The following ATG4A variants were observed in gnomAD, a reference collection of about 807,000 sequenced individuals.
ATG4A encodes cysteine protease ATG4A.
In ATG4A, 22 loss-of-function variants were observed where a neutral mutation model predicts 38.4. The ratio of observed to expected loss-of-function variants is 0.57; its 90% CI spans 0.41 to 0.82. ATG4A has a LOEUF of 0.82. Among genes scored for constraint, ATG4A ranks in the 40% least tolerant of loss-of-function variants. The pLI, the probability that ATG4A is intolerant of heterozygous loss-of-function variation, is 0.00. For missense variants in ATG4A, 220 were observed against 290.0 expected, an observed-to-expected ratio of 0.76 and a Z score of 1.75; for synonymous variants, 86 against 100.7, an observed-to-expected ratio of 0.85 and a Z score of 0.88.
chrX:108,131,409 T>G, intron 4 of ATG4A, 51 bp downstream of exon 4: 5 of 1,102,231 alleles, frequency 4.5e-6, no homozygotes, highest in Non-Finnish European at 6.3e-6. Flanking sequence ...GCAGTATCAC[T>G]TGCTGCTGTT....
At chrX:108,128,913 C>T in intron 3 of ATG4A, 61 bp downstream of exon 3, 1 of 786,635 alleles carries the variant, frequency 1.3e-6, no homozygotes, top group African/African-American at 2.1e-5. Flanking sequence ...CTGAGGTTAT[C>T]AGTGACTTCA....
rs192837654 is a variant in ATG4A, at chrX:108,109,851, C to G, written c.11-16226C>G. 7.2e-5 allele frequency among the ~76,000 whole-genome samples: 8 copies of G among 111,571 alleles called. No individual in the cohort carries two copies. In the East Asian group the frequency reaches 2.0e-3, roughly 27 times the overall value. ...CTATGTGTCTACCTTTATGCCAGTA[C>G]CATACTTTTTTGATTACTGTAACTT... is the stretch of plus-strand genomic sequence containing the variant. On this transcript the variant is annotated intron_variant, in intron 1 of 12. Transcript: ENST00000372232.
intron 9 of ATG4A, among the ~76,000 whole-genome samples, chrX:108,145,359 G>A (rs749790391): frequency 3.6e-5 from 4 of 112,523 alleles, no homozygotes; most frequent in South Asian, 3.7e-4. Flanking sequence ...TGGCCTTGCC[G>A]GCTGAAGGCA....
chrX:108,141,067 TATAC>T (rs1215175963), intron 9 of ATG4A, among the ~76,000 whole-genome samples: 3,830 of 34,568 alleles, frequency 0.11, 557 homozygotes, highest in Non-Finnish European at 0.15. Flanking sequence ...CGTGTATATA[TATAC>T]ATATATATAT....
At chrX:108,133,958 T>C (rs2033030825) in intron 4 of ATG4A, 99 bp from the exon 5 acceptor site, 1 of 615,796 alleles carries the variant, frequency 1.6e-6, no homozygotes, top group African/African-American at 2.3e-5. Flanking sequence ...CTAGATGTGG[T>C]GCCTTTGTTT....
rs1463220904 is a variant in ATG4A, at chrX:108,137,850, C to T, written c.594C>T (p.Asp198=). The stretch of plus-strand genomic sequence containing the variant: ...CCTTGAGTGCTGACACAGCTGGTGA[C>T]AGGCCTCCCGATTCTTTAACTGCTT... ...VLPLSADTAG[D]RPPDSLTASN... Residue 198 remains aspartate (D), a synonymous_variant, in exon 8 of 13, where the codon GAC becomes GAT. Coordinates refer to ENST00000372232, the MANE Select transcript of ATG4A (RefSeq NM_052936.5). The T allele has an allele frequency of 2.4e-5, 29 of 1,188,472 alleles. No individual in the cohort carries two copies. The highest frequency in any genetic ancestry group is 3.2e-5 in the Non-Finnish European group (28 of 886,273).
chrX:108,124,781 T>G (rs114253427), intron 1 of ATG4A, among the ~76,000 whole-genome samples: 1,875 of 112,111 alleles, frequency 0.017, 39 homozygotes, highest in African/African-American at 0.057. Context: ...AACAGACTCA[T>G]TTATATTTAG....
At chrX:108,123,232 A>C (rs1416066714) in intron 1 of ATG4A, among the ~76,000 whole-genome samples, 1 of 112,085 alleles carries the variant, frequency 8.9e-6, no homozygotes, top group Admixed American at 9.4e-5. Context: ...TGGTCCACCA[A>C]GTTATAGATT....
intron 4 of ATG4A, among the ~76,000 whole-genome samples, chrX:108,133,637 A>G (rs1368022355): frequency 8.9e-6 from 1 of 112,442 alleles, no homozygotes; most frequent in Non-Finnish European, 1.9e-5. Flanking sequence ...CTGCCAAAAT[A>G]TAAGAGCAAA....
chrX:108,121,547 G>C (rs1194523600), intron 1 of ATG4A, among the ~76,000 whole-genome samples: 2 of 110,441 alleles, frequency 1.8e-5, no homozygotes, highest in Non-Finnish European at 3.8e-5. Context: ...AAGCCCTTTC[G>C]GTGTTCCCTC....
intron 1 of ATG4A, among the ~76,000 whole-genome samples, chrX:108,093,011 G>A (rs1319977570): frequency 9.0e-6 from 1 of 111,142 alleles, no homozygotes; most frequent in Non-Finnish European, 1.9e-5. Flanking sequence ...TAGATTTATA[G>A]AAAAGTTGCA....
intron 1 of ATG4A, 76 bp from the exon 2 acceptor site, chrX:108,126,001 T>C: frequency 1.6e-6 from 1 of 635,892 alleles, no homozygotes; most frequent in Non-Finnish European, 2.4e-6. Context: ...ACCTTCAGGG[T>C]AAAGGTAATA....
chrX:108,113,675 G>A (rs1357064445), intron 1 of ATG4A, among the ~76,000 whole-genome samples: 1 of 111,472 alleles, frequency 9.0e-6, no homozygotes, highest in Admixed American at 9.5e-5. Context: ...AATCATGGCA[G>A]GAGGCAAAAG....
intron 3 of ATG4A, among the ~76,000 whole-genome samples, chrX:108,129,488 T>C (rs1039290291): frequency 2.7e-5 from 3 of 111,610 alleles, no homozygotes; most frequent in Admixed American, 9.5e-5. Context: ...TGAAATCTAC[T>C]CTTCTAAGAG....
intron 1 of ATG4A, among the ~76,000 whole-genome samples, chrX:108,124,754 CAT>C (rs1491090412): frequency 2.7e-5 from 3 of 111,807 alleles, no homozygotes; most frequent in Non-Finnish European, 5.6e-5. Context: ...AGAACAGACT[CAT>C]TTTTTTTTTA....
intron 2 of ATG4A, among the ~76,000 whole-genome samples, chrX:108,127,762 A>C (rs1189806508): frequency 1.8e-5 from 2 of 112,338 alleles, no homozygotes; most frequent in Admixed American, 1.9e-4. Context: ...TTTTAAGTGC[A>C]GTGACTATAA....
At position 108,151,986 on chromosome X, in the gene ATG4A, G is replaced by A. The variant is rs1012130157; in HGVS notation, c.1017+128G>A. 3.6e-5 allele frequency: 23 copies of A among 639,720 alleles called. No individual in the cohort carries two copies. In the African/African-American group the frequency reaches 4.4e-4, roughly 12 times the overall value. The allele number at this position is 639,720 out of a possible 1,213,427, so 52.7% of individuals were successfully genotyped here. A position where few individuals can be genotyped will look rare whatever the true frequency, so the allele number is the denominator to read the frequency against. On this transcript the variant is annotated intron_variant, in intron 11 of 12. Transcript: ENST00000372232. ...CTTTACTGCAAGAGAAAGAAACTAAGGCAACAAAGAAACTATCAGGTGTGG... is the reference window on the plus strand; with the variant it reads ...CTTTACTGCAAGAGAAAGAAACTAAAGCAACAAAGAAACTATCAGGTGTGG...
At chrX:108,130,701 T>A (rs765414074) in intron 3 of ATG4A, among the ~76,000 whole-genome samples, 192 of 112,081 alleles carry the variant, frequency 1.7e-3, no homozygotes, top group African/African-American at 6.1e-3. Flanking sequence ...GGTCTTCTGA[T>A]GCCTCATCTA....
At chrX:108,136,504 G>A (rs1316144625) in intron 6 of ATG4A, among the ~76,000 whole-genome samples, 1 of 111,628 alleles carries the variant, frequency 9.0e-6, no homozygotes, top group Non-Finnish European at 1.9e-5. Flanking sequence ...CTTGGCACCC[G>A]AGTCAATCTG....
Sources: gnomAD v4.1 joint callset for allele counts (sites outside exome capture counted in the v4.1 genomes callset) on GRCh38, gnomAD v4.1.1 for gene constraint, MANE v1.5 for transcripts, NCBI Gene and HGNC (gene_info 2026-07-23, HGNC 2026-07-21) for gene names.